Variants in RBBP5 observed in about 807,000 individuals in gnomAD.
RBBP5 encodes the protein RB binding protein 5, histone lysine methyltransferase complex subunit, also known as retinoblastoma-binding protein 5.
In RBBP5, 5 loss-of-function variants were observed where a neutral mutation model predicts 72.2. That is an observed-to-expected ratio of 0.07 (90% CI 0.04 to 0.15). RBBP5 has a LOEUF of 0.15. Ranked by LOEUF, RBBP5 falls within the 10% of genes least tolerant of loss-of-function variation. The pLI is 1.00. For synonymous variants in RBBP5, 209 were observed against 237.2 expected (o/e 0.88, Z 1.09); for missense variants, 322 against 652.2 (o/e 0.49, Z 5.51).
rs1655658916 is a variant in RBBP5 at position 205,097,412 on chromosome 1, C to T, written c.1097-17G>A. 4 of 1,551,862 alleles carry T rather than the reference C, an allele frequency of 2.6e-6. No individual in the cohort carries two copies. The highest frequency in any genetic ancestry group is 3.5e-6 in the Non-Finnish European group (4 of 1,146,930). On this transcript the variant is annotated splice_polypyrimidine_tract_variant and intron_variant, in intron 10 of 13. Transcript: ENST00000264515. ...CATCAGCCCCTGCAGGACAGAAACA[C>T]AGGAGATGTTTGAGAAGAAGTGAAA...
intron 12 of RBBP5, among the ~76,000 whole-genome samples, chr1:205,095,357 T>A (rs1418144908): frequency 9.5e-6 from 1 of 104,938 alleles, no homozygotes; most frequent in Non-Finnish European, 2.0e-5. Context: ...TAAATTTTCT[T>A]AAAACATTAT....
chr1:205,114,111 C>G (rs1285057549), intron 3 of RBBP5, among the ~76,000 whole-genome samples: 1 of 152,222 alleles, frequency 6.6e-6, no homozygotes, highest in Non-Finnish European at 1.5e-5. Flanking sequence ...TTGGCCCAGG[C>G]CACCAGTACT....
chr1:205,098,788 T>C (rs1655710759), intron 10 of RBBP5, among the ~76,000 whole-genome samples: 1 of 140,818 alleles, frequency 7.1e-6, no homozygotes, highest in Non-Finnish European at 1.5e-5. Flanking sequence ...GAGGTTGCAG[T>C]GAGCCAAAAT....
At chr1:205,114,728 G>T in intron 3 of RBBP5, 61 bp downstream of exon 3, 3 of 1,339,274 alleles carry the variant, frequency 2.2e-6, no homozygotes, top group Non-Finnish European at 3.0e-6. Flanking sequence ...AATGAGATTT[G>T]CAAATATATA....
At position 205,088,774 on chromosome 1, in the gene RBBP5, A is replaced by G. The variant is rs770709180; in HGVS notation, c.*13T>C. The stretch of plus-strand genomic sequence containing the variant: ...ATGGCAAAGTGAGAAAGAATGAAGA[A>G]CTTCGAAGGTCTTCATAACAGTTCT... On this transcript the variant is annotated 3_prime_UTR_variant, in exon 14 of 14. Transcript: ENST00000264515. The G allele has an allele frequency of 4.4e-6, 7 of 1,589,580 alleles. No individual in the cohort carries two copies. In the East Asian group the frequency reaches 1.4e-4, roughly 31 times the overall value.
intron 1 of RBBP5, among the ~76,000 whole-genome samples, chr1:205,118,880 C>T (rs1656631618): frequency 6.6e-6 from 1 of 152,172 alleles, no homozygotes. Context: ...CTAGTGTCTA[C>T]CTATGAGCCA....
chr1:205,121,350 T>C (rs965970042), intron 1 of RBBP5, among the ~76,000 whole-genome samples: 22 of 152,248 alleles, frequency 1.4e-4, no homozygotes, highest in African/African-American at 4.8e-4. Flanking sequence ...GTGCCAACTA[T>C]GCCATTTACT....
chr1:205,112,187 G>A (rs974969251), intron 3 of RBBP5, among the ~76,000 whole-genome samples: 2 of 151,980 alleles, frequency 1.3e-5, no homozygotes, highest in African/African-American at 4.8e-5. Context: ...TCATGGTGGT[G>A]TGCACCTGTA....
rs1354580457 is a variant in RBBP5 at position 205,099,463 on chromosome 1, G to GA, written c.978+277dup. On this transcript the variant is annotated intron_variant, in intron 9 of 13. Coordinates refer to ENST00000264515, the MANE Select transcript of RBBP5 (RefSeq NM_005057.4). This position sits in a 1 kb window ranked among gnomAD's most constrained non-coding sequence, Gnocchi z 4.7. The stretch of plus-strand genomic sequence containing the variant: ...AAAACAGAAACTGAGCTGAAAGTAA[G>GA]AAAAGCAAAAGAAAAATGTTATCTC... Among the ~76,000 whole-genome samples the GA allele has an allele frequency of 1.3e-5, 2 of 152,062 alleles. No homozygotes were observed. Among genetic ancestry groups the GA allele is most frequent in the Non-Finnish European group, 2.9e-5 (2 of 67,988 alleles).
chr1:205,102,847 GC>G (rs1266620375), intron 5 of RBBP5, among the ~76,000 whole-genome samples: 8 of 152,066 alleles, frequency 5.3e-5, no homozygotes, highest in African/African-American at 1.4e-4. Context: ...TACAAAATTA[GC>G]CAGGTGTGGT....
At position 205,103,910 on chromosome 1, in the gene RBBP5, C is replaced by A. The variant is rs769163843; in HGVS notation, c.469G>T (p.Ala157Ser). ...TATTCCCCTCGCCTATCAAAAGATGCCACAACGTTCAAATCGGAGTCATCG... is the reference window on the plus strand; with the variant it reads ...TATTCCCCTCGCCTATCAAAAGATGACACAACGTTCAAATCGGAGTCATCG... ...VDDDSDLNVV[A>S]SFDRRGEYIY... Residue 157 changes from alanine to serine, a missense_variant, in exon 5 of 14, where the codon GCA becomes TCA. Ala to Ser is a moderately conservative substitution (Grantham distance 99). Coordinates refer to ENST00000264515, the MANE Select transcript of RBBP5 (RefSeq NM_005057.4). 1.2e-6 allele frequency: 2 copies of A among 1,614,134 alleles called. No individual in the cohort carries two copies. Among genetic ancestry groups the A allele is most frequent in the African/African-American group, 1.3e-5 (1 of 75,034 alleles).
At chr1:205,108,862 AG>A (rs1223280000) in intron 3 of RBBP5, among the ~76,000 whole-genome samples, 1 of 152,220 alleles carries the variant, frequency 6.6e-6, no homozygotes, top group Non-Finnish European at 1.5e-5. Context: ...GACCTGCAGA[AG>A]GCTGTTGAAA....
intron 13 of RBBP5, among the ~76,000 whole-genome samples, chr1:205,093,338 G>A (rs71633532): frequency 0.077 from 11,485 of 149,290 alleles, 988 homozygotes; most frequent in East Asian, 0.4. Flanking sequence ...GTGCACGCCT[G>A]TAATCCCAGC....
intron 3 of RBBP5, among the ~76,000 whole-genome samples, chr1:205,105,485 G>C (rs1263677303): frequency 6.6e-6 from 1 of 152,130 alleles, no homozygotes; most frequent in Non-Finnish European, 1.5e-5. Context: ...TGATATATTT[G>C]AACTTTCTGA....
At chr1:205,106,599 AG>A (rs534831077) in intron 3 of RBBP5, among the ~76,000 whole-genome samples, 60 of 152,334 alleles carry the variant, frequency 3.9e-4, no homozygotes, top group African/African-American at 1.3e-3. Context: ...CTCTGTCTCA[AG>A]AAAAAGTAAA....
chr1:205,096,980 C>T (rs1404223297), intron 11 of RBBP5, 69 bp from the exon 12 acceptor site: 3 of 1,339,898 alleles, frequency 2.2e-6, no homozygotes, highest in Non-Finnish European at 3.1e-6. Flanking sequence ...ATGAGCCCTT[C>T]CTCTATCACC....
chr1:205,101,509 G>T, intron 6 of RBBP5, 91 bp downstream of exon 6: 1 of 897,476 alleles, frequency 1.1e-6, no homozygotes, highest in Non-Finnish European at 1.7e-6. Flanking sequence ...AAATGCTTAA[G>T]TATAATATAC....
At chr1:205,098,361 T>C (rs373144917) in intron 10 of RBBP5, among the ~76,000 whole-genome samples, 34 of 152,294 alleles carry the variant, frequency 2.2e-4, no homozygotes, top group African/African-American at 8.2e-4. Context: ...GGTGAGTTCT[T>C]TGCTAGGTGC....
chr1:205,109,120 G>A lies in RBBP5; in HGVS notation c.219-3952C>T, dbSNP rs1049220241. ...AAGGACTCTGTGTGTCTCTTCTACT[G>A]GGTCTAGAATACCTGTAGTCAGGCA... is the stretch of plus-strand genomic sequence containing the variant. On this transcript the variant is annotated intron_variant, in intron 3 of 13. Transcript: ENST00000264515. Among the ~76,000 whole-genome samples, 4 of 152,074 alleles carry A rather than the reference G, an allele frequency of 2.6e-5. No individual in the cohort carries two copies. The East Asian group carries it at 5.8e-4, about 22-fold the overall frequency.
Sources: gnomAD v4.1 joint callset for allele counts (sites outside exome capture counted in the v4.1 genomes callset) on GRCh38, gnomAD v4.1.1 for gene constraint, Gnocchi (gnomAD v3.1) non-coding constraint, MANE v1.5 for transcripts, NCBI Gene and HGNC (gene_info 2026-07-23, HGNC 2026-07-21) for gene names.